WDR64: variants seen among roughly 807,000 people sequenced by gnomAD.
WDR64 encodes the protein WD repeat-containing protein 64.
A neutral mutation model predicts 139.3 loss-of-function variants in WDR64; 112 were observed. The ratio of observed to expected loss-of-function variants is 0.80; its 90% CI spans 0.69 to 0.94. The LOEUF (loss-of-function observed/expected upper bound fraction) is 0.94. Ranked by LOEUF, WDR64 falls within the 40% of genes least tolerant of loss-of-function variation. The probability of loss-of-function intolerance (pLI) is 0.00; values close to 1 mark genes in which losing one functional copy is unlikely to be tolerated. For missense variants in WDR64, 1,206 were observed against 1,293.1 expected, an observed-to-expected ratio of 0.93 and a Z score of 1.03; for synonymous variants, 444 against 437.7, an observed-to-expected ratio of 1.01 and a Z score of -0.18.
chr1:241,743,396 G>T lies in WDR64; in HGVS notation c.1471-997G>T, dbSNP rs552054039. 3.3e-5 allele frequency among the ~76,000 whole-genome samples: 5 copies of T among 152,174 alleles called. No individual in the cohort carries two copies. In the East Asian group the frequency reaches 9.7e-4, roughly 29 times the overall value. ...GCAGAGGTTAAAAGTACGGACTCTA[G>T]GGCCAGACTGACTTCACTCAAATCC... On this transcript the variant is annotated intron_variant, in intron 12 of 27. Transcript: ENST00000437684.
chr1:241,674,865 CCCT>C (rs1194301753), intron 4 of WDR64, 118 bp downstream of exon 4: 2 of 141,864 alleles, frequency 1.4e-5, no homozygotes, highest in Non-Finnish European at 2.7e-5. Context: ...CTTCCTCCCT[CCCT>C]CCTTTCTTTC....
intron 1 of WDR64, among the ~76,000 whole-genome samples, chr1:241,654,175 C>T (rs553706901): frequency 5.3e-4 from 80 of 152,316 alleles, no homozygotes; most frequent in African/African-American, 1.9e-3. Flanking sequence ...CCCTTCAAAG[C>T]TATCAGTTTG....
Position 241,713,183 on chromosome 1 carries a change from T to C in WDR64, c.1054+1302T>C, listed in dbSNP as rs567184787. On this transcript the variant is annotated intron_variant, in intron 9 of 27. Coordinates refer to ENST00000437684, the MANE Select transcript of WDR64 (RefSeq NM_001367482.1). Reference sequence around the variant, plus strand: ...AAAAATTAGCTGAGCATTTGGTGTGTACCTGTAGCCCTAGCTACTAGAGAG... The same window carrying C: ...AAAAATTAGCTGAGCATTTGGTGTGCACCTGTAGCCCTAGCTACTAGAGAG... Among the ~76,000 whole-genome samples, 5 of 151,676 alleles carry C rather than the reference T, an allele frequency of 3.3e-5. 1 individual carries two copies. In the South Asian group the frequency reaches 1.0e-3, roughly 32 times the overall value.
At chr1:241,718,794 A>G (rs1185436489) in intron 9 of WDR64, among the ~76,000 whole-genome samples, 1 of 152,142 alleles carries the variant, frequency 6.6e-6, no homozygotes, top group Admixed American at 6.5e-5. Context: ...CCTGGCTTGT[A>G]GACATCTGCC....
intron 24 of WDR64, among the ~76,000 whole-genome samples, chr1:241,788,785 G>A (rs536031293): frequency 4.5e-4 from 69 of 152,306 alleles, no homozygotes; most frequent in African/African-American, 1.3e-3. Context: ...CCATCAGAGT[G>A]TTCAAGGACT....
At chr1:241,792,984 A>C (rs919299686) in intron 25 of WDR64, among the ~76,000 whole-genome samples, 2 of 152,254 alleles carry the variant, frequency 1.3e-5, no homozygotes. Context: ...CTAAGTGCTC[A>C]TCAACAGGAT....
In WDR64 at chr1:241,723,794, C is replaced by CA. The variant is rs10718281; in HGVS notation, c.1194+367dup. 1.6e-4 allele frequency among the ~76,000 whole-genome samples: 24 copies of CA among 151,440 alleles called. No individual in the cohort carries two copies. In the East Asian group the frequency reaches 2.3e-3, roughly 15 times the overall value. On this transcript the variant is annotated intron_variant, in intron 10 of 27. Coordinates refer to ENST00000437684, the MANE Select transcript of WDR64 (RefSeq NM_001367482.1). ...AAACATTCTAACCAATGTAATAAAA[C>CA]AAAAAAAAAGTTATAAATATTAGAA...
intron 25 of WDR64, among the ~76,000 whole-genome samples, chr1:241,794,641 T>G (rs1255761303): frequency 6.6e-6 from 1 of 150,830 alleles, no homozygotes; most frequent in Non-Finnish European, 1.5e-5. Context: ...CCCAAGTAGC[T>G]GGGACTACAG....
chr1:241,687,424 C>T (rs775885186), intron 7 of WDR64, 37 bp from the exon 8 acceptor site: 1 of 1,609,108 alleles, frequency 6.2e-7, no homozygotes, highest in Non-Finnish European at 8.5e-7. Flanking sequence ...GTTTGTGTGT[C>T]TAACATAAAT....
At position 241,683,639 on chromosome 1, in the gene WDR64, A is replaced by G. The variant is rs1387112245; in HGVS notation, c.777A>G (p.Ile259Met). ...RFTVNSDDFG[I>M]KQAKSKRKLQ... ...CAGTCAACAGTGATGACTTTGGAAT[A>G]AAGCAGGCAAAATCCAAAAGAAAAT... Residue 259 changes from isoleucine (I) to methionine (M), a missense_variant, in exon 7 of 28, where the codon ATA (isoleucine) becomes ATG (methionine). Ile to Met is a conservative substitution (Grantham distance 10, BLOSUM62 1). Coordinates refer to ENST00000437684, the MANE Select transcript of WDR64 (RefSeq NM_001367482.1). The G allele has an allele frequency of 1.3e-6, 2 of 1,551,418 alleles. No individual in the cohort carries two copies. The highest frequency in any genetic ancestry group is 1.4e-5 in the African/African-American group (1 of 73,016).
At position 241,688,169 on chromosome 1, in the gene WDR64, C is replaced by T. The variant is rs537570984; in HGVS notation, c.974+574C>T. Among the ~76,000 whole-genome samples the T allele has an allele frequency of 3.1e-4, 47 of 152,086 alleles. 1 individual carries two copies. The South Asian group carries it at 3.3e-3, about 11-fold the overall frequency. Reference sequence around the variant, plus strand: ...CAAAAACATTAAGCTGAATAACAGACGCCAGACAAAAAGACTGCATATGGT... The same window carrying T: ...CAAAAACATTAAGCTGAATAACAGATGCCAGACAAAAAGACTGCATATGGT... On this transcript the variant is annotated intron_variant, in intron 8 of 27. Transcript: ENST00000437684.
At chr1:241,791,777 A>G (rs761541025) in intron 25 of WDR64, among the ~76,000 whole-genome samples, 2 of 152,226 alleles carry the variant, frequency 1.3e-5, no homozygotes, top group Non-Finnish European at 2.9e-5. Flanking sequence ...AACATGAATC[A>G]TATCTGCAAA....
intron 8 of WDR64, among the ~76,000 whole-genome samples, chr1:241,697,751 T>C (rs985654574): frequency 1.3e-5 from 2 of 152,182 alleles, no homozygotes; most frequent in African/African-American, 2.4e-5. Flanking sequence ...TTCCTTGATG[T>C]TATTCATTCC....
At position 241,679,600 on chromosome 1, in the gene WDR64, T is replaced by C. The variant is rs780456690; in HGVS notation, c.624+5T>C. On this transcript the variant is annotated splice_donor_5th_base_variant and intron_variant, in intron 6 of 27. Transcript: ENST00000437684. ...AAAGCTCAAGGGAGCAGCCAGGTATTGTGCCAAGAGAAATACTCAAAGAAA... is the reference window on the plus strand; with the variant it reads ...AAAGCTCAAGGGAGCAGCCAGGTATCGTGCCAAGAGAAATACTCAAAGAAA... 1.4e-4 allele frequency: 221 copies of C among 1,550,534 alleles called. No individual in the cohort carries two copies. Among genetic ancestry groups the C allele is most frequent in the Non-Finnish European group, 1.9e-4 (218 of 1,146,008 alleles).
At chr1:241,775,504 G>C (rs1343972756) in intron 21 of WDR64, among the ~76,000 whole-genome samples, 1 of 152,006 alleles carries the variant, frequency 6.6e-6, no homozygotes, top group Non-Finnish European at 1.5e-5. Flanking sequence ...AAAAAATATA[G>C]TTTTAATTTT....
intron 11 of WDR64, among the ~76,000 whole-genome samples, chr1:241,740,521 T>G (rs893010475): frequency 7.2e-5 from 11 of 152,348 alleles, no homozygotes; most frequent in African/African-American, 2.2e-4. Flanking sequence ...AAACTTCTCC[T>G]AAAGTTGAGA....
intron 21 of WDR64, among the ~76,000 whole-genome samples, chr1:241,779,206 G>T (rs1455858687): frequency 6.6e-6 from 1 of 151,818 alleles, no homozygotes; most frequent in Non-Finnish European, 1.5e-5. Context: ...TCTTGCTTGC[G>T]TTGCTTTTGA....
intron 8 of WDR64, among the ~76,000 whole-genome samples, chr1:241,698,759 G>A (rs997851090): frequency 6.6e-6 from 1 of 152,090 alleles, no homozygotes; most frequent in Non-Finnish European, 1.5e-5. Context: ...GAATTTTCCT[G>A]ACCACTCCTC....
In WDR64 at chr1:241,711,840, C is replaced by T; in HGVS notation, c.1013C>T (p.Thr338Ile). The stretch of plus-strand genomic sequence containing the variant: ...TTTTCCATGCCAAGAGGAGCCAACA[C>T]TTTTTGCTACTGTGTTAAGGCAAAT... ...REFSMPRGAN[T>I]FCYCVKANVI... The change falls in exon 9 of 28, where the codon ACT (threonine) becomes ATT (isoleucine). Residue 338 changes from threonine (T) to isoleucine (I), a missense_variant. By Grantham distance (89) the Thr-to-Ile change is moderately conservative (BLOSUM62 -1). Transcript: ENST00000437684. The T allele has an allele frequency of 2.5e-6, 4 of 1,614,182 alleles. No individual in the cohort carries two copies. The South Asian group carries it at 4.4e-5, about 18-fold the overall frequency.
Sources: allele counts gnomAD v4.1 joint callset (sites outside exome capture counted in the v4.1 genomes callset), GRCh38; gene constraint gnomAD v4.1.1; transcripts MANE v1.5; gene names NCBI Gene and HGNC (gene_info 2026-07-23, HGNC 2026-07-21).